The following RAI14 variants were observed in gnomAD, a reference collection of about 807,000 sequenced individuals.
RAI14 encodes the protein ankycorbin.
In RAI14, 45 loss-of-function variants were observed where a neutral mutation model predicts 115.4. That is an observed-to-expected ratio of 0.39 (90% CI 0.31 to 0.50). RAI14 has a LOEUF of 0.50. Ranked by LOEUF, RAI14 falls within the 20% of genes least tolerant of loss-of-function variation. RAI14 has a pLI of 0.85. For synonymous variants in RAI14, 371 were observed against 415.4 expected, an observed-to-expected ratio of 0.89 and a Z score of 1.30; for missense variants, 939 against 1,131.2, an observed-to-expected ratio of 0.83 and a Z score of 2.44.
intron 3 of RAI14, among the ~76,000 whole-genome samples, chr5:34,784,133 A>C (rs1200237960): frequency 1.3e-5 from 2 of 152,216 alleles, no homozygotes; most frequent in Non-Finnish European, 2.9e-5. Context: ...CATCATTTTC[A>C]ATTAATTGTG....
At chr5:34,689,003 G>A (rs2149890675) in intron 2 of RAI14, among the ~76,000 whole-genome samples, 1 of 152,244 alleles carries the variant, frequency 6.6e-6, no homozygotes, top group East Asian at 1.9e-4. Flanking sequence ...ATTTGTCTGG[G>A]TTCTTAGAAC....
At chr5:34,750,740 G>C (rs184180499) in intron 2 of RAI14, among the ~76,000 whole-genome samples, 14 of 151,964 alleles carry the variant, frequency 9.2e-5, no homozygotes, top group African/African-American at 3.4e-4. Flanking sequence ...CTAAAACAGA[G>C]CAAGTCCCAG....
chr5:34,728,310 T>G (rs1743734612), intron 2 of RAI14, among the ~76,000 whole-genome samples: 1 of 152,104 alleles, frequency 6.6e-6, no homozygotes, highest in African/African-American at 2.4e-5. Flanking sequence ...GAGTTAAGAC[T>G]TTGGGGGGCC....
chr5:34,758,737 T>C (rs901869917), intron 3 of RAI14, among the ~76,000 whole-genome samples: 7 of 152,194 alleles, frequency 4.6e-5, no homozygotes, highest in African/African-American at 1.4e-4. Flanking sequence ...TAAAGTTTTA[T>C]TGAAACACAG....
chr5:34,817,005 T>TCACAGCTCATGCCTGTAATCCCAG (rs1173044240), intron 12 of RAI14, among the ~76,000 whole-genome samples: 1 of 151,992 alleles, frequency 6.6e-6, no homozygotes, highest in Non-Finnish European at 1.5e-5. Context: ...GCTCGGTGGC[T>TCACAGCTCATGCCTGTAATCCCAG]CACAGCTCAT....
At chr5:34,802,029 A>G (rs1331046783) in intron 4 of RAI14, among the ~76,000 whole-genome samples, 2 of 152,042 alleles carry the variant, frequency 1.3e-5, no homozygotes, top group Non-Finnish European at 2.9e-5. Context: ...GTGCTACTCC[A>G]TTCCAGCCTG....
rs1174949045 is a variant in RAI14 at position 34,758,890 on chromosome 5, T to G, written c.167+1292T>G. 2.0e-5 allele frequency among the ~76,000 whole-genome samples: 3 copies of G among 152,180 alleles called. No individual in the cohort carries two copies. The East Asian group carries it at 5.8e-4, about 29-fold the overall frequency. On this transcript the variant is annotated intron_variant, in intron 3 of 17. Coordinates refer to ENST00000265109, the MANE Select transcript of RAI14 (RefSeq NM_015577.3). ...ACAAAAAGGGTTTCCTTATCCCAGG[T>G]TTATAGTATGCCTCAGAGTTATTCC...
Position 34,811,064 on chromosome 5 carries a change from G to T in RAI14, c.503G>T (p.Cys168Phe). The change falls in exon 8 of 18, where the codon TGT (cysteine) becomes TTT (phenylalanine). Residue 168 changes from cysteine to phenylalanine, a missense_variant. Coordinates refer to ENST00000265109, the MANE Select transcript of RAI14 (RefSeq NM_015577.3). ...GTACAAAATGGTCACAGTGAGATCT[G>T]TCACTTTCTCCTGGATCATGGAGCA... ...LAVQNGHSEI[C>F]HFLLDHGADV... 6.2e-7 allele frequency: 1 copy of T among 1,614,114 alleles called. No homozygotes were observed. Among genetic ancestry groups the T allele is most frequent in the Non-Finnish European group, 8.5e-7 (1 of 1,180,012 alleles).
chr5:34,708,090 C>T (rs888093089), intron 2 of RAI14, among the ~76,000 whole-genome samples: 3 of 152,032 alleles, frequency 2.0e-5, no homozygotes, highest in Non-Finnish European at 4.4e-5. Flanking sequence ...GAAACTAGAT[C>T]GTATGAAAGC....
Position 34,814,659 on chromosome 5 carries a change from C to T in RAI14, c.929C>T (p.Pro310Leu). The T allele has an allele frequency of 6.2e-7, 1 of 1,608,026 alleles. No homozygotes were observed. The highest frequency in any genetic ancestry group is 1.7e-4 in the Middle Eastern group (1 of 6,050). The change falls in exon 12 of 18, where the codon CCA (proline) becomes CTA (leucine). Residue 310 changes from proline to leucine, a missense_variant. By Grantham distance (98) the Pro-to-Leu change is moderately conservative. Coordinates refer to ENST00000265109, the MANE Select transcript of RAI14 (RefSeq NM_015577.3). ...SGKESVFFAE[P>L]PFKAEISSIR... ...AAGGAATCGGTATTTTTTGCTGAAC[C>T]ACCCTTCAAGGTATTTCCTTTCTGT...
chr5:34,702,435 G>A (rs771013374), intron 2 of RAI14, among the ~76,000 whole-genome samples: 4 of 152,128 alleles, frequency 2.6e-5, no homozygotes, highest in Admixed American at 6.5e-5. Flanking sequence ...AACCTAGAAC[G>A]AGCCCCTCAC....
At position 34,724,805 on chromosome 5, in the gene RAI14, G is replaced by A. The variant is rs1180239766; in HGVS notation, c.37-32663G>A. ...GAATTCTTGCTTGAAAGTAAATCTA[G>A]GACTATAGTTGTGGTAATATTTGAG... On this transcript the variant is annotated intron_variant, in intron 2 of 17. Coordinates refer to ENST00000265109, the MANE Select transcript of RAI14 (RefSeq NM_015577.3). 9.2e-5 allele frequency among the ~76,000 whole-genome samples: 14 copies of A among 152,210 alleles called. No individual in the cohort carries two copies. In the East Asian group the frequency reaches 1.9e-3, roughly 21 times the overall value.
intron 2 of RAI14, chr5:34,688,233 A>C (rs540891144): frequency 6.4e-7 from 1 of 1,551,202 alleles, no homozygotes; most frequent in Non-Finnish European, 8.7e-7. Context: ...CGTGGCTTTC[A>C]GCTAAGGAGA....
intron 2 of RAI14, among the ~76,000 whole-genome samples, chr5:34,692,856 ATGTATTGTCT>A (rs1738802281): frequency 6.6e-6 from 1 of 152,164 alleles, no homozygotes; most frequent in African/African-American, 2.4e-5. Flanking sequence ...AACTAAAGAA[ATGTATTGTCT>A]CAGAGTTTGG....
chr5:34,662,721 ATT>A (rs746930489), intron 1 of RAI14, among the ~76,000 whole-genome samples: 2 of 91,920 alleles, frequency 2.2e-5, no homozygotes, highest in Non-Finnish European at 2.0e-5. Context: ...ATTTAAACAG[ATT>A]TTTTTTTTTT....
chr5:34,732,060 A>G (rs1002846027), intron 2 of RAI14, among the ~76,000 whole-genome samples: 2 of 152,134 alleles, frequency 1.3e-5, no homozygotes, highest in Non-Finnish European at 2.9e-5. Context: ...TGGAAATGGG[A>G]GTGGCCCCTG....
At chr5:34,814,236 G>C (rs781714951) in intron 11 of RAI14, among the ~76,000 whole-genome samples, 21 of 152,132 alleles carry the variant, frequency 1.4e-4, no homozygotes, top group Non-Finnish European at 1.9e-4. Flanking sequence ...AGGCCATAAA[G>C]AGAATAATCC....
intron 1 of RAI14, chr5:34,685,645 T>A (rs1744788744): frequency 6.6e-6 from 1 of 151,976 alleles, no homozygotes; most frequent in African/African-American, 2.4e-5. Flanking sequence ...GTTCTGAATC[T>A]CATCATGAAT....
intron 1 of RAI14, among the ~76,000 whole-genome samples, chr5:34,665,624 T>A (rs1743147760): frequency 6.6e-6 from 1 of 152,124 alleles, no homozygotes; most frequent in Non-Finnish European, 1.5e-5. Context: ...CCATTCTTCC[T>A]TGGAGAAACT....
Sources: gnomAD v4.1 joint callset for allele counts (sites outside exome capture counted in the v4.1 genomes callset) on GRCh38, gnomAD v4.1.1 for gene constraint, MANE v1.5 for transcripts, NCBI Gene and HGNC (gene_info 2026-07-23, HGNC 2026-07-21) for gene names.